Variants in MTAP observed in about 807,000 individuals in gnomAD.
MTAP encodes S-methyl-5'-thioadenosine phosphorylase.
A neutral mutation model predicts 33.6 loss-of-function variants in MTAP; 33 were observed. The observed-to-expected ratio is 0.98, with a 90% CI of 0.74 to 1.31. The LOEUF is 1.31. Among genes scored for constraint, MTAP ranks in the 40% most tolerant of loss-of-function variants. MTAP has a pLI of 0.00. For missense variants in MTAP, 367 were observed against 360.0 expected (o/e 1.02, Z -0.16); for synonymous variants, 148 against 125.7 (o/e 1.18, Z -1.19).
chr9:21,838,979 A>G (rs1026871831), intron 5 of MTAP, among the ~76,000 whole-genome samples: 2 of 152,198 alleles, frequency 1.3e-5, no homozygotes, highest in Non-Finnish European at 2.9e-5. Flanking sequence ...GTTTTATCCT[A>G]CATAATCACA....
rs1405540310 is a variant in MTAP, at chr9:21,862,543, T to C, written c.*529T>C. 6.6e-6 allele frequency: 1 copy of C among 152,232 alleles called. No homozygotes were observed. Among genetic ancestry groups the C allele is most frequent in the African/African-American group, 2.4e-5 (1 of 41,430 alleles). The allele number at this position is 152,232 out of a possible 1,614,324, so 9.4% of individuals were successfully genotyped here. ...AGAGATGCATACAAAGAATTATATA[T>C]AAAGAAGGGTGTTTAATAATGATAG... On this transcript the variant is annotated 3_prime_UTR_variant, in exon 8 of 8. Transcript: ENST00000644715.
At chr9:21,871,330 C>G (rs1825933955), downstream of MTAP, among the ~76,000 whole-genome samples, 1 of 152,168 alleles carries the variant, frequency 6.6e-6, no homozygotes, top group African/African-American at 2.4e-5. Flanking sequence ...GCAGACCAGG[C>G]TCCTCCTTGT....
In MTAP at chr9:21,859,836, A is replaced by G. The variant is rs74728915; in HGVS notation, c.813+411A>G. The G allele has an allele frequency of 3.5e-3, 546 of 153,914 alleles. 4 individuals carry two copies. Among genetic ancestry groups the G allele is most frequent in the African/African-American group, 0.012 (500 of 41,622 alleles). 9.5% of individuals were successfully genotyped at this position (153,914 alleles called of 1,614,324 possible). ...CCAAAACTCTGACAATAGTACCAAA[A>G]TGGTGCCAGAAAATATCTGCTTAAG... On this transcript the variant is annotated intron_variant, in intron 7 of 7. Coordinates refer to ENST00000644715, the MANE Select transcript of MTAP (RefSeq NM_002451.4).
downstream of MTAP, among the ~76,000 whole-genome samples, chr9:21,870,695 T>C (rs1377958739): frequency 6.6e-6 from 1 of 151,858 alleles, no homozygotes; most frequent in Non-Finnish European, 1.5e-5. Context: ...AATTATGAAA[T>C]TTTTATTCTT....
intron 1 of MTAP, among the ~76,000 whole-genome samples, chr9:21,918,227 G>A (rs1182743733): frequency 7.1e-6 from 1 of 141,756 alleles, no homozygotes; most frequent in Non-Finnish European, 1.5e-5. Flanking sequence ...GCGGGCGCCT[G>A]TAGTCCCAGC....
intron 1 of MTAP, among the ~76,000 whole-genome samples, chr9:21,812,761 A>T (rs373192752): frequency 6.6e-6 from 1 of 152,190 alleles, no homozygotes; most frequent in Non-Finnish European, 1.5e-5. Context: ...CATGGAGACA[A>T]ATAACTTTTC....
intron 1 of MTAP, among the ~76,000 whole-genome samples, chr9:21,910,063 T>C (rs182382473): frequency 2.1e-4 from 32 of 152,284 alleles, no homozygotes; most frequent in Non-Finnish European, 3.5e-4. Context: ...ATGTCAACTT[T>C]TAAGTATTCA....
chr9:21,916,080 A>AAAGGAAGGAAGGAAGG (rs375102585), intron 1 of MTAP, among the ~76,000 whole-genome samples: 19 of 117,042 alleles, frequency 1.6e-4, no homozygotes, highest in African/African-American at 4.2e-4. Context: ...GGGAGGAAGG[A>AAAGGAAGGAAGGAAGG]AAGGAAGGAA....
At chr9:21,921,302 G>A (rs893073770) in intron 1 of MTAP, among the ~76,000 whole-genome samples, 2 of 151,568 alleles carry the variant, frequency 1.3e-5, no homozygotes, top group East Asian at 1.9e-4. Flanking sequence ...TTTCTCTTTT[G>A]TTCTTAGTTT....
intron 4 of MTAP, among the ~76,000 whole-genome samples, chr9:21,823,863 T>A (rs1824713500): frequency 6.6e-6 from 1 of 152,244 alleles, no homozygotes; most frequent in Non-Finnish European, 1.5e-5. Flanking sequence ...CATCTGATCT[T>A]CAATCACTGA....
chr9:21,857,433 G>A (rs1174544165), intron 6 of MTAP, among the ~76,000 whole-genome samples: 2 of 152,154 alleles, frequency 1.3e-5, no homozygotes, highest in African/African-American at 4.8e-5. Context: ...TGGTGTTTGT[G>A]GGTGGGATCT....
intron 5 of MTAP, among the ~76,000 whole-genome samples, chr9:21,851,769 A>G (rs572764828): frequency 1.7e-4 from 26 of 152,326 alleles, no homozygotes; most frequent in African/African-American, 6.3e-4. Context: ...GGTGGGTACA[A>G]TCTAATCAGC....
chr9:21,833,734 C>T (rs1020567192), intron 4 of MTAP, among the ~76,000 whole-genome samples: 2 of 152,116 alleles, frequency 1.3e-5, no homozygotes, highest in Non-Finnish European at 2.9e-5. Flanking sequence ...CCTCAGAGGT[C>T]GATGATTGTG....
intron 1 of MTAP, among the ~76,000 whole-genome samples, chr9:21,910,654 G>A (rs75737569): frequency 0.021 from 3,215 of 152,282 alleles, 89 homozygotes; most frequent in African/African-American, 0.06. Context: ...TGGAGATATT[G>A]TGGGGGGAGT....
Position 21,862,124 on chromosome 9 carries a change from G to C in MTAP, c.*110G>C. On this transcript the variant is annotated 3_prime_UTR_variant, in exon 8 of 8. Transcript: ENST00000644715. ...AAAGACATGCAGCTTTCATGCCCTT[G>C]CCTATCAAAGAGTATGTTGTAAGAA... is the stretch of plus-strand genomic sequence containing the variant. 1 of 1,585,508 alleles carries C rather than the reference G, an allele frequency of 6.3e-7. No individual in the cohort carries two copies. Among genetic ancestry groups the C allele is most frequent in the Non-Finnish European group, 8.6e-7 (1 of 1,167,408 alleles).
At chr9:21,812,434 G>T (rs1268269193) in intron 1 of MTAP, 1 of 153,204 alleles carries the variant, frequency 6.5e-6, no homozygotes, top group East Asian at 1.9e-4. Context: ...TTTAAAATCT[G>T]TCAAGGACCT....
Position 21,811,755 on chromosome 9 carries a change from C to T in MTAP, c.34-3678C>T, listed in dbSNP as rs934399498. 5 of 530,806 alleles carry T rather than the reference C, an allele frequency of 9.4e-6. No homozygotes were observed. The Admixed American group carries it at 9.7e-5, about 10-fold the overall frequency. 32.9% of individuals were successfully genotyped at this position (530,806 alleles called of 1,614,324 possible). ...AATTCCATCTCATCCATGCCCTCGC[C>T]CGTGTACCAGTACAGGAAAGCTTTG... On this transcript the variant is annotated intron_variant, in intron 1 of 7. Coordinates refer to ENST00000644715, the MANE Select transcript of MTAP (RefSeq NM_002451.4).
chr9:21,938,527 C>A (rs1437778528), downstream of MTAP, among the ~76,000 whole-genome samples: 1 of 152,022 alleles, frequency 6.6e-6, no homozygotes, highest in African/African-American at 2.4e-5. Flanking sequence ...GATGTTTAAC[C>A]TTCTTATGTT....
chr9:21,916,116 G>GAAGA (rs1165610161), intron 1 of MTAP, among the ~76,000 whole-genome samples: 1 of 150,298 alleles, frequency 6.7e-6, no homozygotes, highest in Non-Finnish European at 1.5e-5. Context: ...AGGAAGGAAG[G>GAAGA]AAGGAGGGAG....
Sources: allele counts gnomAD v4.1 joint callset (sites outside exome capture counted in the v4.1 genomes callset), GRCh38; gene constraint gnomAD v4.1.1; transcripts MANE v1.5; gene names NCBI Gene and HGNC (gene_info 2026-07-23, HGNC 2026-07-21).